CDKL2: variants seen among roughly 807,000 people sequenced by gnomAD.
The protein encoded by CDKL2 is cyclin-dependent kinase-like 2.
Under a neutral mutation model 63.9 loss-of-function variants are expected in CDKL2, and 64 were observed. That is an observed-to-expected ratio of 1.00 (90% CI 0.82 to 1.23). CDKL2 has a LOEUF of 1.23. CDKL2 is among the 50% of genes most tolerant of loss of function. CDKL2 has a pLI of 0.00. For synonymous variants in CDKL2, 211 were observed against 229.2 expected (o/e 0.92, Z 0.72); for missense variants, 656 against 668.0 (o/e 0.98, Z 0.20).
In CDKL2 at chr4:75,577,401, C is replaced by T. The variant is rs904128953; in HGVS notation, c.*1801G>A. Among the ~76,000 whole-genome samples the T allele has an allele frequency of 3.9e-5, 6 of 152,132 alleles. No homozygotes were observed. Among genetic ancestry groups the T allele is most frequent in the African/African-American group, 1.4e-4 (6 of 41,446 alleles). ...ATCAGATATGATCCTCAAGTCATAA[C>T]TTGGACTTATGGTAAATATTTTTTA... On this transcript the variant is annotated 3_prime_UTR_variant, in exon 14 of 14. Transcript: ENST00000307465.
chr4:75,593,170 C>CT (rs751837709), intron 10 of CDKL2, among the ~76,000 whole-genome samples: 1 of 152,034 alleles, frequency 6.6e-6, no homozygotes, highest in Non-Finnish European at 1.5e-5. Context: ...TCTGCTTACT[C>CT]TTTTCATAGA....
rs189350114 is a variant in CDKL2 at position 75,587,172 on chromosome 4, G to T, written c.1647+4647C>A. ...TACAGATATTAAAAGGACAATAAGA[G>T]GCCGGGTGCAGTGGCTCACGCCTGT... On this transcript the variant is annotated intron_variant, in intron 12 of 13. Transcript: ENST00000307465. Among the ~76,000 whole-genome samples the T allele has an allele frequency of 2.3e-3, 348 of 152,336 alleles. 1 individual carries two copies. The highest frequency in any genetic ancestry group is 3.8e-3 in the Admixed American group (58 of 15,298).
At chr4:75,613,523 A>G (rs1175739826) in intron 3 of CDKL2, among the ~76,000 whole-genome samples, 4 of 152,182 alleles carry the variant, frequency 2.6e-5, no homozygotes, top group Non-Finnish European at 5.9e-5. Flanking sequence ...GTGTTGAGCT[A>G]TTCATTTATA....
chr4:75,604,992 C>A (rs749521142), intron 5 of CDKL2, among the ~76,000 whole-genome samples: 10 of 151,512 alleles, frequency 6.6e-5, no homozygotes, highest in Non-Finnish European at 1.5e-4. Flanking sequence ...AACGAGACTC[C>A]GTCTCAAAAA....
At chr4:75,589,941 C>T (rs983845598) in intron 12 of CDKL2, among the ~76,000 whole-genome samples, 69 of 151,140 alleles carry the variant, frequency 4.6e-4, no homozygotes, top group African/African-American at 1.6e-3. Flanking sequence ...ATGAGCATGC[C>T]ACTGCACTCC....
At position 75,603,915 on chromosome 4, in the gene CDKL2, G is replaced by A. The variant is rs1357596016; in HGVS notation, c.697C>T (p.Pro233Ser). The change falls in exon 6 of 14, where the codon CCT (proline) becomes TCT (serine). Residue 233 changes from proline to serine, a missense_variant. Pro to Ser is a moderately conservative substitution (Grantham distance 74, BLOSUM62 -1). Transcript: ENST00000307465. The part of the protein sequence containing the change: ...PRHQELFNKN[P>S]VFAGVRLPEI... ...GGCAACCTTACTCCAGCAAACACAG[G>A]ATTTTTATTAAAAAGCTCCTGATGC... 1.2e-6 allele frequency: 2 copies of A among 1,612,890 alleles called. No homozygotes were observed. Among genetic ancestry groups the A allele is most frequent in the Non-Finnish European group, 1.7e-6 (2 of 1,179,698 alleles).
intron 3 of CDKL2, 115 bp from the exon 4 acceptor site, chr4:75,607,476 A>C: frequency 3.9e-6 from 3 of 763,030 alleles, no homozygotes; most frequent in Admixed American, 2.9e-5. Flanking sequence ...AAAGCATAGA[A>C]AGTTGCTCCT....
intron 8 of CDKL2, 62 bp from the exon 9 acceptor site, chr4:75,597,298 T>A: frequency 9.6e-7 from 1 of 1,037,978 alleles, no homozygotes; most frequent in South Asian, 1.5e-5. Flanking sequence ...ATTTACCTCT[T>A]CTTATAAAGT....
At position 75,605,532 on chromosome 4, in the gene CDKL2, C is replaced by A. The variant is rs1309846578; in HGVS notation, c.645G>T (p.Met215Ile). ...GATGTGTAACCTTACCTAAACACAT[C>A]ATAATATGATATAGCTGATCAATAT... ...DSDIDQLYHIMMCLGNLIPRH... is the reference protein window; with the variant it reads ...DSDIDQLYHIIMCLGNLIPRH... The change falls in exon 5 of 14, where the codon ATG becomes ATT. Residue 215 changes from methionine (M) to isoleucine (I), a missense_variant. Met to Ile is a conservative substitution (Grantham distance 10). Coordinates refer to ENST00000307465, the MANE Select transcript of CDKL2 (RefSeq NM_001330724.2). 6.3e-7 allele frequency: 1 copy of A among 1,591,586 alleles called. No individual in the cohort carries two copies. The highest frequency in any genetic ancestry group is 1.1e-5 in the South Asian group (1 of 90,396).
rs551078948 is a variant in CDKL2, at chr4:75,577,121, T to C, written c.*2081A>G. On this transcript the variant is annotated 3_prime_UTR_variant, in exon 14 of 14. Transcript: ENST00000307465. ...AAACCATCTATGGAGCCCAGTAAGA[T>C]AATATTTATTAATTTTAAAACATAC... Among the ~76,000 whole-genome samples the C allele has an allele frequency of 2.0e-4, 30 of 152,290 alleles. No individual in the cohort carries two copies. The highest frequency in any genetic ancestry group is 4.6e-4 in the Admixed American group (7 of 15,286).
chr4:75,600,688 A>G (rs747349140), intron 6 of CDKL2, among the ~76,000 whole-genome samples: 5 of 152,086 alleles, frequency 3.3e-5, no homozygotes, highest in Non-Finnish European at 7.4e-5. Context: ...TCGAACTCTG[A>G]GCTCAAGCTA....
Position 75,613,357 on chromosome 4 carries a change from G to T in CDKL2, c.363+898C>A, listed in dbSNP as rs138912337. On this transcript the variant is annotated intron_variant, in intron 3 of 13. Transcript: ENST00000307465. Reference sequence around the variant, plus strand: ...AGTGAATAATAATAATAACCGAAAAGAAATATATCAATTTAGGTGGCAGGT... The same window carrying T: ...AGTGAATAATAATAATAACCGAAAATAAATATATCAATTTAGGTGGCAGGT... Among the ~76,000 whole-genome samples, 25 of 152,092 alleles carry T rather than the reference G, an allele frequency of 1.6e-4. No homozygotes were observed. The East Asian group carries it at 4.6e-3, about 28-fold the overall frequency.
chr4:75,616,280 G>A (rs1466936323), intron 2 of CDKL2, among the ~76,000 whole-genome samples: 1 of 151,840 alleles, frequency 6.6e-6, no homozygotes, highest in Admixed American at 6.6e-5. Flanking sequence ...TTCCAGCCTG[G>A]GTGGGGCAGA....
At chr4:75,626,910 A>C (rs564850599) in intron 1 of CDKL2, among the ~76,000 whole-genome samples, 2 of 151,874 alleles carry the variant, frequency 1.3e-5, no homozygotes, top group South Asian at 4.2e-4. Flanking sequence ...AAACAAATAA[A>C]CAAAATGCAC....
chr4:75,576,642 G>T lies in CDKL2; in HGVS notation c.*2560C>A, dbSNP rs1239486513. ...CCTAAAGCCTTAGGAGCAGTGCTCTGTTGCTTCTCTAATCCCCTGACCATG... is the reference window on the plus strand; with the variant it reads ...CCTAAAGCCTTAGGAGCAGTGCTCTTTTGCTTCTCTAATCCCCTGACCATG... On this transcript the variant is annotated 3_prime_UTR_variant, in exon 14 of 14. Transcript: ENST00000307465. 6.6e-6 allele frequency among the ~76,000 whole-genome samples: 1 copy of T among 152,176 alleles called. No homozygotes were observed. The highest frequency in any genetic ancestry group is 1.5e-5 in the Non-Finnish European group (1 of 68,022).
chr4:75,627,202 CAA>C (rs533079777), intron 1 of CDKL2, among the ~76,000 whole-genome samples: 5 of 131,130 alleles, frequency 3.8e-5, no homozygotes, highest in African/African-American at 2.7e-5. Context: ...GACTCTGTCT[CAA>C]AAAAAAAAAA....
At chr4:75,618,612 G>A (rs1730032118) in intron 2 of CDKL2, among the ~76,000 whole-genome samples, 2 of 152,070 alleles carry the variant, frequency 1.3e-5, no homozygotes, top group Non-Finnish European at 2.9e-5. Flanking sequence ...ACATATAAAA[G>A]GCTAAAACGA....
At chr4:75,592,313 G>A (rs1291887884) in intron 10 of CDKL2, 44 bp from the exon 11 acceptor site, 29 of 1,472,064 alleles carry the variant, frequency 2.0e-5, no homozygotes, top group Non-Finnish European at 2.4e-5. Flanking sequence ...TAGTTTCAAG[G>A]TTAGCTAGGC....
intron 12 of CDKL2, among the ~76,000 whole-genome samples, chr4:75,585,026 T>C (rs1330271584): frequency 1.3e-5 from 2 of 152,156 alleles, no homozygotes; most frequent in Non-Finnish European, 2.9e-5. Context: ...AAAATCCTAT[T>C]TATATGCTGT....
Sources: gnomAD v4.1 joint callset for allele counts (sites outside exome capture counted in the v4.1 genomes callset) on GRCh38, gnomAD v4.1.1 for gene constraint, MANE v1.5 for transcripts, NCBI Gene and HGNC (gene_info 2026-07-23, HGNC 2026-07-21) for gene names.